UNC5C: variants seen among roughly 807,000 people sequenced by gnomAD.
UNC5C encodes netrin receptor UNC5C.
In UNC5C, 47 loss-of-function variants were observed where a neutral mutation model predicts 99.8. The observed-to-expected ratio is 0.47, with a 90% CI of 0.37 to 0.60. The LOEUF (loss-of-function observed/expected upper bound fraction) is 0.60, where lower values mean the gene tolerates loss of function less well. Ranked by LOEUF, UNC5C falls within the 20% of genes least tolerant of loss-of-function variation. The probability of loss-of-function intolerance (pLI) is 0.00; values close to 1 mark genes in which losing one functional copy is unlikely to be tolerated. For synonymous variants in UNC5C, 487 were observed against 452.2 expected, an observed-to-expected ratio of 1.08 and a Z score of -0.98; for missense variants, 1,062 against 1,165.9, an observed-to-expected ratio of 0.91 and a Z score of 1.30.
chr4:95,344,212 C>A (rs1310702236), intron 1 of UNC5C, among the ~76,000 whole-genome samples: 1 of 151,878 alleles, frequency 6.6e-6, no homozygotes, highest in Non-Finnish European at 1.5e-5. Flanking sequence ...AAAAAAACAA[C>A]ATAAAATGGA....
At chr4:95,337,625 T>C (rs776659670) in intron 1 of UNC5C, among the ~76,000 whole-genome samples, 1 of 151,886 alleles carries the variant, frequency 6.6e-6, no homozygotes, top group Non-Finnish European at 1.5e-5. Flanking sequence ...ATTTAGAAAA[T>C]GTATGGGCAA....
At chr4:95,472,389 T>A (rs1747996650) in intron 1 of UNC5C, among the ~76,000 whole-genome samples, 2 of 152,280 alleles carry the variant, frequency 1.3e-5, no homozygotes, top group East Asian at 3.9e-4. Flanking sequence ...CTCCCAGGTA[T>A]GAGGATCATG....
chr4:95,452,004 C>A lies in UNC5C; in HGVS notation c.124+96730G>T, dbSNP rs566225200. On this transcript the variant is annotated intron_variant, in intron 1 of 15. Transcript: ENST00000453304. ...TGGAAAGTAACAAAAAGCAACCAAACAATTTAAAGATAACCTTTTAAAGCA... is the reference window on the plus strand; with the variant it reads ...TGGAAAGTAACAAAAAGCAACCAAAAAATTTAAAGATAACCTTTTAAAGCA... 6.6e-5 allele frequency among the ~76,000 whole-genome samples: 10 copies of A among 152,136 alleles called. No homozygotes were observed. In the South Asian group the frequency reaches 2.1e-3, roughly 32 times the overall value.
chr4:95,537,648 T>A (rs778730704), intron 1 of UNC5C, among the ~76,000 whole-genome samples: 2 of 152,148 alleles, frequency 1.3e-5, no homozygotes, highest in Non-Finnish European at 2.9e-5. Context: ...AAAATGTATA[T>A]ATAAGCAACT....
intron 14 of UNC5C, 54 bp downstream of exon 14, chr4:95,182,843 G>A (rs1736668442): frequency 8.3e-6 from 13 of 1,564,658 alleles, no homozygotes; most frequent in Non-Finnish European, 1.1e-5. Flanking sequence ...CACACACTCT[G>A]TCTTCCTGAG....
intron 1 of UNC5C, among the ~76,000 whole-genome samples, chr4:95,422,687 T>C (rs1746356954): frequency 6.6e-6 from 1 of 152,218 alleles, no homozygotes; most frequent in Non-Finnish European, 1.5e-5. Context: ...GATAAAGTCC[T>C]TGTATCTCAG....
At position 95,361,960 on chromosome 4, in the gene UNC5C, T is replaced by TCA. The variant is rs1197351079; in HGVS notation, c.125-26330_125-26329insTG. On this transcript the variant is annotated intron_variant, in intron 1 of 15. Coordinates refer to ENST00000453304, the MANE Select transcript of UNC5C (RefSeq NM_003728.4). ...ATATATATAAAAAACAGATTATCTA[T>TCA]TATCTATTATATATATATATATCTT... Among the ~76,000 whole-genome samples, 14 of 147,738 alleles carry TCA rather than the reference T, an allele frequency of 9.5e-5. No homozygotes were observed. The South Asian group carries it at 2.8e-3, about 29-fold the overall frequency.
chr4:95,522,563 A>C (rs527572999), intron 1 of UNC5C, among the ~76,000 whole-genome samples: 8 of 152,200 alleles, frequency 5.3e-5, no homozygotes, highest in African/African-American at 1.2e-4. Context: ...CCTACACACA[A>C]AAAAAAGCTT....
At chr4:95,363,197 TC>T (rs1744448718) in intron 1 of UNC5C, among the ~76,000 whole-genome samples, 8 of 152,130 alleles carry the variant, frequency 5.3e-5, no homozygotes, top group Non-Finnish European at 1.0e-4. Context: ...AGGGGGAGTC[TC>T]TGGCAGACAG....
chr4:95,422,485 T>G (rs1392957089), intron 1 of UNC5C, among the ~76,000 whole-genome samples: 1 of 152,150 alleles, frequency 6.6e-6, no homozygotes, highest in Non-Finnish European at 1.5e-5. Context: ...TTGAGACATG[T>G]TTTTTTCTCT....
chr4:95,364,101 C>T (rs570585809), intron 1 of UNC5C, among the ~76,000 whole-genome samples: 177 of 152,286 alleles, frequency 1.2e-3, no homozygotes, highest in African/African-American at 3.9e-3. Flanking sequence ...CCACTCTCAA[C>T]CATGCCGTGA....
In UNC5C at chr4:95,250,678, A is replaced by G. The variant is rs543695530; in HGVS notation, c.595-11T>C. ...TTTCAACCATTCCACCTAAAGATAA[A>G]TGAGAAAAGTAGATAAATCCTCAGC... is the stretch of plus-strand genomic sequence containing the variant. On this transcript the variant is annotated splice_polypyrimidine_tract_variant and intron_variant, in intron 4 of 15. Coordinates refer to ENST00000453304, the MANE Select transcript of UNC5C (RefSeq NM_003728.4). The G allele has an allele frequency of 8.7e-6, 14 of 1,612,848 alleles. No individual in the cohort carries two copies. The East Asian group carries it at 2.9e-4, about 33-fold the overall frequency.
chr4:95,304,203 A>G lies in UNC5C; in HGVS notation c.347-2454T>C, dbSNP rs375494999. The stretch of plus-strand genomic sequence containing the variant: ...TGACAGGATCCTAAGGGGCAACTCT[A>G]TTGTGAAAAGCTTATGAAGTACATT... On this transcript the variant is annotated intron_variant, in intron 2 of 15. Transcript: ENST00000453304. Among the ~76,000 whole-genome samples, 208 of 152,322 alleles carry G rather than the reference A, an allele frequency of 1.4e-3. 1 individual carries two copies. Among genetic ancestry groups the G allele is most frequent in the African/African-American group, 4.8e-3 (199 of 41,570 alleles).
At chr4:95,224,725 G>T (rs1018833352) in intron 7 of UNC5C, among the ~76,000 whole-genome samples, 3 of 151,880 alleles carry the variant, frequency 2.0e-5, no homozygotes, top group African/African-American at 7.3e-5. Context: ...AAGTTTAACA[G>T]AAAATAAGCA....
intron 1 of UNC5C, among the ~76,000 whole-genome samples, chr4:95,367,148 C>T (rs555248896): frequency 1.1e-4 from 16 of 151,346 alleles, no homozygotes; most frequent in Non-Finnish European, 2.1e-4. Flanking sequence ...CTCACTGGTA[C>T]GTCAGACCTA....
intron 4 of UNC5C, among the ~76,000 whole-genome samples, chr4:95,272,293 G>T (rs1223919516): frequency 1.3e-5 from 2 of 152,272 alleles, no homozygotes; most frequent in Middle Eastern, 3.4e-3. Context: ...TTATATAAGT[G>T]AATTGATGAT....
At chr4:95,435,960 A>C (rs1746772784) in intron 1 of UNC5C, among the ~76,000 whole-genome samples, 1 of 152,082 alleles carries the variant, frequency 6.6e-6, no homozygotes, top group Non-Finnish European at 1.5e-5. Context: ...TTGCATAGTG[A>C]GATAAATTTA....
chr4:95,255,635 C>CTCCT (rs1553958209), intron 4 of UNC5C, among the ~76,000 whole-genome samples: 3 of 152,156 alleles, frequency 2.0e-5, no homozygotes, highest in African/African-American at 7.2e-5. Context: ...CGGATTTGTA[C>CTCCT]TCCGTATCTT....
Position 95,332,676 on chromosome 4 carries a change from C to A in UNC5C, c.346+2734G>T, listed in dbSNP as rs868570371. Among the ~76,000 whole-genome samples the A allele has an allele frequency of 5.5e-3, 820 of 149,596 alleles. 5 individuals carry two copies. Among genetic ancestry groups the A allele is most frequent in the African/African-American group, 0.019 (767 of 41,166 alleles). ...ATAGGCATGGGCAAGGACTTCATGT[C>A]TAAAACACCAAAAGCAATGGCAACA... On this transcript the variant is annotated intron_variant, in intron 2 of 15. Coordinates refer to ENST00000453304, the MANE Select transcript of UNC5C (RefSeq NM_003728.4).
Sources: gnomAD v4.1 joint callset for allele counts (sites outside exome capture counted in the v4.1 genomes callset) on GRCh38, gnomAD v4.1.1 for gene constraint, MANE v1.5 for transcripts, NCBI Gene and HGNC (gene_info 2026-07-23, HGNC 2026-07-21) for gene names.